The following RASGEF1C variants were observed in gnomAD, a reference collection of about 807,000 sequenced individuals.
The protein encoded by RASGEF1C is RasGEF domain family member 1C.
In RASGEF1C, 27 loss-of-function variants were observed where a neutral mutation model predicts 58.1. That is an observed-to-expected ratio of 0.46 (90% confidence interval 0.34 to 0.64). The LOEUF is 0.64. RASGEF1C is among the 30% of genes least tolerant of loss of function. RASGEF1C has a pLI of 0.01. For synonymous variants in RASGEF1C, 243 were observed against 246.3 expected (o/e 0.99, Z 0.13); for missense variants, 502 against 605.1 (o/e 0.83, Z 1.79).
chr5:180,202,673 G>A (rs955032515), intron 1 of RASGEF1C, among the ~76,000 whole-genome samples: 2 of 151,500 alleles, frequency 1.3e-5, no homozygotes, highest in African/African-American at 4.8e-5. Context: ...TAGAAAGCAA[G>A]CAAGCAGGAA....
intron 12 of RASGEF1C, among the ~76,000 whole-genome samples, chr5:180,103,887 C>T (rs375406329): frequency 8.7e-4 from 132 of 152,244 alleles, no homozygotes; most frequent in African/African-American, 2.7e-3. Flanking sequence ...ACCATAAATG[C>T]GTGTAGAAAT....
intron 1 of RASGEF1C, among the ~76,000 whole-genome samples, chr5:180,154,619 C>T (rs1025874629): frequency 3.4e-5 from 5 of 148,880 alleles, no homozygotes; most frequent in Admixed American, 6.7e-5. Context: ...CTCGCTCTGT[C>T]GCCCAGCCTG....
At chr5:180,134,134 A>G (rs1766426668) in intron 4 of RASGEF1C, among the ~76,000 whole-genome samples, 5 of 152,148 alleles carry the variant, frequency 3.3e-5, no homozygotes, top group Admixed American at 3.3e-4. Context: ...CCAGGAGGGG[A>G]ACAACCCACA....
chr5:180,110,392 CTTT>C (rs67020657), intron 12 of RASGEF1C, among the ~76,000 whole-genome samples: 1 of 132,248 alleles, frequency 7.6e-6, no homozygotes, highest in African/African-American at 2.8e-5. Context: ...ATCCTTCTCC[CTTT>C]TTTTTTTTTT....
intron 7 of RASGEF1C, among the ~76,000 whole-genome samples, chr5:180,120,025 G>C (rs930589736): frequency 2.0e-5 from 3 of 152,098 alleles, no homozygotes; most frequent in Admixed American, 2.0e-4. Context: ...GCCAGGCTTC[G>C]CCCAGGCTCG....
Position 180,208,569 on chromosome 5 carries a change from T to C in RASGEF1C, c.-7+459A>G, listed in dbSNP as rs563097976. ...GGTCCTTTCCTCAAATCCGATCCCA[T>C]CCTCAAGGGTGACAGCACCCTCTTC... On this transcript the variant is annotated intron_variant, in intron 1 of 13. Transcript: ENST00000361132. Among the ~76,000 whole-genome samples the C allele has an allele frequency of 6.2e-4, 95 of 152,156 alleles. No individual in the cohort carries two copies. The East Asian group carries it at 7.2e-3, about 12-fold the overall frequency.
chr5:180,145,328 C>T (rs551257598), intron 1 of RASGEF1C, among the ~76,000 whole-genome samples: 2 of 152,190 alleles, frequency 1.3e-5, no homozygotes, highest in Admixed American at 1.3e-4. Flanking sequence ...ACCATGTTGG[C>T]CAGGCTGGTC....
chr5:180,159,610 A>G (rs1279284141), intron 1 of RASGEF1C, among the ~76,000 whole-genome samples: 2 of 152,188 alleles, frequency 1.3e-5, no homozygotes, highest in Non-Finnish European at 2.9e-5. Context: ...TGAATGCTTC[A>G]AGAGAGATGA....
intron 1 of RASGEF1C, among the ~76,000 whole-genome samples, chr5:180,192,067 T>A (rs1317453521): frequency 6.6e-6 from 1 of 152,248 alleles, no homozygotes; most frequent in African/African-American, 2.4e-5. Flanking sequence ...TTCGTGTCTG[T>A]CTGACATTGG....
chr5:180,116,550 TAA>T (rs989839570), intron 10 of RASGEF1C, among the ~76,000 whole-genome samples: 50 of 152,296 alleles, frequency 3.3e-4, no homozygotes, highest in African/African-American at 1.1e-3. Flanking sequence ...ACAATGCGGT[TAA>T]AGTCAATACG....
chr5:180,127,108 G>A (rs887199851), intron 6 of RASGEF1C, among the ~76,000 whole-genome samples: 3 of 152,200 alleles, frequency 2.0e-5, no homozygotes, highest in Non-Finnish European at 1.5e-5. Flanking sequence ...GCTCCCAGAA[G>A]GGCGGGATCG....
At chr5:180,178,893 G>T (rs1767274923) in intron 1 of RASGEF1C, among the ~76,000 whole-genome samples, 1 of 152,132 alleles carries the variant, frequency 6.6e-6, no homozygotes, top group South Asian at 2.1e-4. Flanking sequence ...GAAGGGACTG[G>T]AGAATGTTCT....
rs1767058993 is a variant in RASGEF1C at position 180,168,857 on chromosome 5, A to G, written c.-6-30799T>C. Reference sequence around the variant, plus strand: ...TCCTCCCGTTCCTCAAACCAGAAGCAGAGGGTTTCTCCTGGAGTTCACTGT... The same window carrying G: ...TCCTCCCGTTCCTCAAACCAGAAGCGGAGGGTTTCTCCTGGAGTTCACTGT... On this transcript the variant is annotated intron_variant, in intron 1 of 13. Transcript: ENST00000361132. This position sits in a 1 kb window ranked among gnomAD's most constrained non-coding sequence, Gnocchi z 6.0. Among the ~76,000 whole-genome samples the G allele has an allele frequency of 6.6e-6, 1 of 152,236 alleles. No individual in the cohort carries two copies. Among genetic ancestry groups the G allele is most frequent in the African/African-American group, 2.4e-5 (1 of 41,456 alleles).
chr5:180,115,464 C>G (rs1195265290), intron 10 of RASGEF1C: 1 of 280,348 alleles, frequency 3.6e-6, no homozygotes, highest in Non-Finnish European at 7.1e-6. Context: ...GCAGGCCCCC[C>G]CAGACTCTTC....
intron 1 of RASGEF1C, among the ~76,000 whole-genome samples, chr5:180,205,920 A>G (rs1028522760): frequency 6.6e-5 from 10 of 152,118 alleles, no homozygotes; most frequent in Non-Finnish European, 1.5e-5. Flanking sequence ...ATTTTGGTAG[A>G]GACAAGGTTT....
At chr5:180,146,342 G>A (rs558376933) in intron 1 of RASGEF1C, among the ~76,000 whole-genome samples, 27 of 152,028 alleles carry the variant, frequency 1.8e-4, no homozygotes, top group Admixed American at 9.8e-4. Flanking sequence ...CTTTTAACAC[G>A]GTTTCACCAT....
At chr5:180,119,100 C>G (rs1455534958) in intron 8 of RASGEF1C, among the ~76,000 whole-genome samples, 1 of 152,228 alleles carries the variant, frequency 6.6e-6, no homozygotes, top group Non-Finnish European at 1.5e-5. Context: ...CTCTCTGGGT[C>G]TGGGGACATA....
At chr5:180,190,208 C>G (rs1756121936) in intron 1 of RASGEF1C, among the ~76,000 whole-genome samples, 1 of 151,868 alleles carries the variant, frequency 6.6e-6, no homozygotes, top group Non-Finnish European at 1.5e-5. Flanking sequence ...TAATAATAGG[C>G]CGGGCACGGT....
intron 12 of RASGEF1C, among the ~76,000 whole-genome samples, chr5:180,106,449 T>C (rs943633908): frequency 1.1e-4 from 16 of 152,210 alleles, no homozygotes; most frequent in African/African-American, 3.6e-4. Flanking sequence ...TGAGTCCTGC[T>C]TTAGCTGTCC....
Sources: gnomAD v4.1 joint callset for allele counts (sites outside exome capture counted in the v4.1 genomes callset) on GRCh38, gnomAD v4.1.1 for gene constraint, Gnocchi (gnomAD v3.1) non-coding constraint, MANE v1.5 for transcripts, NCBI Gene and HGNC (gene_info 2026-07-23, HGNC 2026-07-21) for gene names.